Variants in PPM1L observed in about 807,000 individuals in gnomAD.
The protein encoded by PPM1L is protein phosphatase 1L.
In PPM1L, 13 loss-of-function variants were observed where a neutral mutation model predicts 31.4. The ratio of observed to expected loss-of-function variants is 0.41; its 90% CI spans 0.27 to 0.66. The LOEUF (loss-of-function observed/expected upper bound fraction) is 0.66. Among genes scored for constraint, PPM1L ranks in the 30% least tolerant of loss-of-function variants. The pLI, the probability that PPM1L is intolerant of heterozygous loss-of-function variation, is 0.29. For missense variants in PPM1L, 326 were observed against 453.7 expected (o/e 0.72, Z 2.56); for synonymous variants, 184 against 175.4 (o/e 1.05, Z -0.39).
intron 2 of PPM1L, among the ~76,000 whole-genome samples, chr3:160,971,654 A>C (rs536494457): frequency 1.3e-5 from 2 of 152,346 alleles, no homozygotes; most frequent in East Asian, 3.9e-4. Context: ...TTGCGTTTTT[A>C]AAGACAGGCT....
At chr3:160,974,593 G>C (rs1262352634) in intron 2 of PPM1L, among the ~76,000 whole-genome samples, 8 of 151,556 alleles carry the variant, frequency 5.3e-5, no homozygotes, top group Admixed American at 5.3e-4. Flanking sequence ...ATCTCATTGT[G>C]GTTTTGATTT....
chr3:160,892,627 C>G (rs1476082513), intron 1 of PPM1L, among the ~76,000 whole-genome samples: 2 of 151,806 alleles, frequency 1.3e-5, no homozygotes, highest in African/African-American at 4.8e-5. Context: ...GTGTAAAAAC[C>G]CCTTCGTTCC....
At chr3:160,948,920 A>G (rs1326630850) in intron 1 of PPM1L, among the ~76,000 whole-genome samples, 1 of 152,182 alleles carries the variant, frequency 6.6e-6, no homozygotes, top group Non-Finnish European at 1.5e-5. Context: ...TTAGAAAATC[A>G]GAATCTCTAG....
At chr3:160,757,193 T>C (rs1217036771) in intron 1 of PPM1L, among the ~76,000 whole-genome samples, 2 of 152,238 alleles carry the variant, frequency 1.3e-5, no homozygotes, top group Non-Finnish European at 2.9e-5. Context: ...TGAAGGAAGC[T>C]GTGACTCCTT....
intron 1 of PPM1L, among the ~76,000 whole-genome samples, chr3:160,884,739 T>G (rs1446766098): frequency 6.6e-6 from 1 of 152,208 alleles, no homozygotes; most frequent in Non-Finnish European, 1.5e-5. Flanking sequence ...ATTTCTAAAT[T>G]ATCTTCCCTG....
chr3:160,897,438 A>G (rs891806679), intron 1 of PPM1L, among the ~76,000 whole-genome samples: 1 of 152,148 alleles, frequency 6.6e-6, no homozygotes, highest in Non-Finnish European at 1.5e-5. Flanking sequence ...GTCTTCTGCC[A>G]TGACCCCTCC....
intron 2 of PPM1L, among the ~76,000 whole-genome samples, chr3:160,992,518 C>T (rs1717165608): frequency 6.6e-6 from 1 of 152,194 alleles, no homozygotes. Context: ...TTTAGTAGTT[C>T]TGTAAGTGAA....
intron 1 of PPM1L, among the ~76,000 whole-genome samples, chr3:160,786,469 C>G (rs1457874882): frequency 2.0e-5 from 3 of 151,584 alleles, no homozygotes; most frequent in Non-Finnish European, 4.4e-5. Context: ...CCACCTGCCT[C>G]TGCCTCCCAA....
chr3:160,834,471 A>ATGTGTG (rs150328470), intron 1 of PPM1L, among the ~76,000 whole-genome samples: 1,442 of 139,008 alleles, frequency 0.01, 12 homozygotes, highest in Middle Eastern at 0.022. Flanking sequence ...GTGTATGTGT[A>ATGTGTG]TGTGTGTGTG....
At chr3:160,914,406 A>G (rs143046998) in intron 1 of PPM1L, among the ~76,000 whole-genome samples, 2,417 of 151,488 alleles carry the variant, frequency 0.016, 27 homozygotes, top group Non-Finnish European at 0.022. Flanking sequence ...CTCATTTAAC[A>G]TTAGGTATAT....
intron 1 of PPM1L, among the ~76,000 whole-genome samples, chr3:160,852,770 C>A (rs564962126): frequency 1.3e-5 from 2 of 152,288 alleles, no homozygotes; most frequent in East Asian, 1.9e-4. Context: ...AAAGGTACTT[C>A]AGGTCATTTA....
At chr3:160,994,071 C>T (rs567105543) in intron 2 of PPM1L, among the ~76,000 whole-genome samples, 13 of 151,674 alleles carry the variant, frequency 8.6e-5, no homozygotes, top group South Asian at 2.1e-4. Context: ...GGGGTGGGGG[C>T]GGATATTACT....
intron 1 of PPM1L, among the ~76,000 whole-genome samples, chr3:160,912,715 A>G (rs975461518): frequency 5.9e-5 from 9 of 152,200 alleles, no homozygotes; most frequent in Non-Finnish European, 1.0e-4. Context: ...TAGCAGATTC[A>G]TTGATAGTTT....
At chr3:160,893,698 T>C (rs1713233494) in intron 1 of PPM1L, among the ~76,000 whole-genome samples, 1 of 152,192 alleles carries the variant, frequency 6.6e-6, no homozygotes, top group African/African-American at 2.4e-5. Context: ...TATGCTATAC[T>C]TGAAGGCCAT....
In PPM1L at chr3:160,943,097, A is replaced by G. The variant is rs189987074; in HGVS notation, c.400-18639A>G. Reference sequence around the variant, plus strand: ...CATTTTCCAAGTCTTAAGGCTAGATAATTGTGCATAAAGCAGCCTCTTAGA... The same window carrying G: ...CATTTTCCAAGTCTTAAGGCTAGATGATTGTGCATAAAGCAGCCTCTTAGA... On this transcript the variant is annotated intron_variant, in intron 1 of 3. Transcript: ENST00000498165. Among the ~76,000 whole-genome samples, 4 of 152,290 alleles carry G rather than the reference A, an allele frequency of 2.6e-5. No individual in the cohort carries two copies. In the East Asian group the frequency reaches 7.7e-4, roughly 29 times the overall value.
At chr3:160,967,499 G>A (rs1388767765) in intron 2 of PPM1L, among the ~76,000 whole-genome samples, 2 of 151,884 alleles carry the variant, frequency 1.3e-5, no homozygotes, top group Non-Finnish European at 2.9e-5. Context: ...CATGGCAGGA[G>A]GGCTGAGAGA....
intron 1 of PPM1L, among the ~76,000 whole-genome samples, chr3:160,804,232 G>A (rs1472824973): frequency 1.3e-5 from 2 of 151,994 alleles, no homozygotes; most frequent in Admixed American, 6.6e-5. Flanking sequence ...ATGCCCGGCT[G>A]AGATTGTTAA....
chr3:160,919,358 T>C (rs1345926200), intron 1 of PPM1L, among the ~76,000 whole-genome samples: 1 of 152,202 alleles, frequency 6.6e-6, no homozygotes, highest in Non-Finnish European at 1.5e-5. Flanking sequence ...CTGGGCTTTC[T>C]TCCAAAATAG....
At chr3:160,927,500 C>G (rs1231877257) in intron 1 of PPM1L, among the ~76,000 whole-genome samples, 2 of 151,252 alleles carry the variant, frequency 1.3e-5, no homozygotes, top group Non-Finnish European at 2.9e-5. Flanking sequence ...GATGAATTTT[C>G]TTTTTAAACT....
Sources: gnomAD v4.1 joint callset for allele counts (sites outside exome capture counted in the v4.1 genomes callset) on GRCh38, gnomAD v4.1.1 for gene constraint, MANE v1.5 for transcripts, NCBI Gene and HGNC (gene_info 2026-07-23, HGNC 2026-07-21) for gene names.